Variants in FOXI2 observed in about 807,000 individuals in gnomAD.
FOXI2 encodes forkhead box I2.
In FOXI2, 17 loss-of-function variants were observed where a neutral mutation model predicts 14.3. That is an observed-to-expected ratio of 1.19 (90% CI 0.81 to 1.78). The LOEUF is 1.78. Among genes scored for constraint, FOXI2 ranks in the 40% most tolerant of loss-of-function variants. The pLI is 0.00. For synonymous variants in FOXI2, 240 were observed against 218.8 expected, an observed-to-expected ratio of 1.10 and a Z score of -0.85; for missense variants, 541 against 460.0, an observed-to-expected ratio of 1.18 and a Z score of -1.61.
rs1377314581 is a variant in FOXI2 at position 127,737,431 on chromosome 10, A to G, written c.158A>G (p.Tyr53Cys). 32 of 1,366,530 alleles carry G rather than the reference A, an allele frequency of 2.3e-5. No individual in the cohort carries two copies. Among genetic ancestry groups the G allele is most frequent in the Non-Finnish European group, 2.9e-5 (31 of 1,071,438 alleles). 84.7% of individuals were successfully genotyped at this position (1,366,530 alleles called of 1,614,324 possible). A position where few individuals can be genotyped will look rare whatever the true frequency, so the allele number is the denominator to read the frequency against. ...VNAPALSPKSYASGPGPAPPY... is the reference protein window; with the variant it reads ...VNAPALSPKSCASGPGPAPPY... ...GCGCCAGCGCTCAGCCCCAAGTCCT[A>G]CGCTTCGGGTCCCGGGCCTGCGCCG... Residue 53 changes from tyrosine (Y) to cysteine (C), a missense_variant, in exon 1 of 2, where the codon TAC becomes TGC. Tyr to Cys is a radical substitution (Grantham distance 194). Coordinates refer to ENST00000388920, the MANE Select transcript of FOXI2 (RefSeq NM_207426.3).
In FOXI2 at chr10:127,737,217, G is replaced by A; in HGVS notation, c.-57G>A. ...GGCGCTGCTGGCGGCCAAGCTGGAT[G>A]GGTCGCCAGTGAGTTTCGGTGCGGC... On this transcript the variant is annotated 5_prime_UTR_variant, in exon 1 of 2. The change abolishes an upstream ATG in the 5' untranslated region. Transcript: ENST00000388920. The A allele has an allele frequency of 6.9e-7, 1 of 1,453,612 alleles. No individual in the cohort carries two copies. Among genetic ancestry groups the A allele is most frequent in the Non-Finnish European group, 9.0e-7 (1 of 1,114,150 alleles). 90.0% of individuals were successfully genotyped at this position (1,453,612 alleles called of 1,614,324 possible).
chr10:127,738,986 G>A lies in FOXI2; in HGVS notation c.*21G>A. The stretch of plus-strand genomic sequence containing the variant: ...TTTGAAGGGAGGCTGGAGGCTAGCC[G>A]GGTGCGGGTCCAGAGGTGCTGAGCT... On this transcript the variant is annotated 3_prime_UTR_variant, in exon 2 of 2. Transcript: ENST00000388920. 1 of 1,589,226 alleles carries A rather than the reference G, an allele frequency of 6.3e-7. No individual in the cohort carries two copies. The highest frequency in any genetic ancestry group is 8.5e-7 in the Non-Finnish European group (1 of 1,173,798).
At chr10:127,737,810 C>G (rs1458879568) in intron 1 of FOXI2, 26 bp downstream of exon 1, 4 of 1,592,550 alleles carry the variant, frequency 2.5e-6, no homozygotes, top group Non-Finnish European at 3.4e-6. Flanking sequence ...CGGCTCGCTC[C>G]GTCCAGGACT....
At position 127,738,791 on chromosome 10, in the gene FOXI2, C is replaced by T. The variant is rs748678951; in HGVS notation, c.783C>T (p.Thr261=). 1.1e-5 allele frequency: 17 copies of T among 1,606,638 alleles called. No homozygotes were observed. Among genetic ancestry groups the T allele is most frequent in the South Asian group, 4.4e-5 (4 of 90,050 alleles). Residue 261 remains threonine, a synonymous_variant, in exon 2 of 2, where the codon ACC becomes ACT. Transcript: ENST00000388920. ...AMSALAGGLG[T]FPGGLAGDFS... is the part of the protein sequence containing the mutation. ...GCGCTCTGGCTGGCGGCCTTGGCAC[C>T]TTCCCCGGGGGCCTGGCGGGCGACT...
rs568346607 is a variant in FOXI2 at position 127,737,247 on chromosome 10, C to T, written c.-27C>T. ...GCCAGTGAGTTTCGGTGCGGCACCG[C>T]TGGCCCAGGCCCGGGCGCGGCTGGA... On this transcript the variant is annotated 5_prime_UTR_variant, in exon 1 of 2. Transcript: ENST00000388920. 6.8e-7 allele frequency: 1 copy of T among 1,469,934 alleles called. No homozygotes were observed. Among genetic ancestry groups the T allele is most frequent in the Non-Finnish European group, 8.9e-7 (1 of 1,121,236 alleles). The allele number at this position is 1,469,934 out of a possible 1,614,324, so 91.1% of individuals were successfully genotyped here.
At position 127,740,108 on chromosome 10, in the gene FOXI2, T is replaced by TCACACCCACACCCACACC. The variant is rs1846502044; in HGVS notation, c.*1149_*1150insCACACCCACACCCACACC. 1 of 34,660 alleles carries TCACACCCACACCCACACC rather than the reference T, an allele frequency of 2.9e-5. No homozygotes were observed. Among genetic ancestry groups the TCACACCCACACCCACACC allele is most frequent in the African/African-American group, 9.8e-5 (1 of 10,190 alleles). The allele number at this position is 34,660 out of a possible 1,614,324, so 2.1% of individuals were successfully genotyped here. ...CCCACACTCACACTCACACCCACAC[T>TCACACCCACACCCACACC]CACACCACACTCACACCCACACACA... On this transcript the variant is annotated 3_prime_UTR_variant, in exon 2 of 2. Transcript: ENST00000388920.
rs1436374912 is a variant in FOXI2 at position 127,739,809 on chromosome 10, T to TCACACC, written c.*868_*873dup. On this transcript the variant is annotated 3_prime_UTR_variant, in exon 2 of 2. Coordinates refer to ENST00000388920, the MANE Select transcript of FOXI2 (RefSeq NM_207426.3). ...CTCACACCCACACTCACACCCACAC[T>TCACACC]CACACCCACACCCACACCCACACCC... 0.023 allele frequency: 1,206 copies of TCACACC among 52,186 alleles called. 59 individuals are homozygous for TCACACC. Among genetic ancestry groups the TCACACC allele is most frequent in the African/African-American group, 0.07 (859 of 12,220 alleles). 3.2% of individuals were successfully genotyped at this position (52,186 alleles called of 1,614,324 possible).
Position 127,739,955 on chromosome 10 carries a change from A to ACACC in FOXI2, c.*994_*997dup. The ACACC allele has an allele frequency of 8.6e-5, 2 of 23,132 alleles. No individual in the cohort carries two copies. Among genetic ancestry groups the ACACC allele is most frequent in the Non-Finnish European group, 2.3e-4 (2 of 8,820 alleles). 1.4% of individuals were successfully genotyped at this position (23,132 alleles called of 1,614,324 possible). A position where few individuals can be genotyped will look rare whatever the true frequency, so the allele number is the denominator to read the frequency against. On this transcript the variant is annotated 3_prime_UTR_variant, in exon 2 of 2. Coordinates refer to ENST00000388920, the MANE Select transcript of FOXI2 (RefSeq NM_207426.3). ...CACCCACACACACTCACACCCACAC[A>ACACC]CACCCACACTCATACTCACACTCAC...
In FOXI2 at chr10:127,737,442, C is replaced by G; in HGVS notation, c.169C>G (p.Pro57Ala). Reference protein sequence around the residue: ...ALSPKSYASGPGPAPPYAAPS... With the variant: ...ALSPKSYASGAGPAPPYAAPS... Reference sequence around the variant, plus strand: ...CAGCCCCAAGTCCTACGCTTCGGGTCCCGGGCCTGCGCCGCCCTACGCGGC... The same window carrying G: ...CAGCCCCAAGTCCTACGCTTCGGGTGCCGGGCCTGCGCCGCCCTACGCGGC... Residue 57 changes from proline (P) to alanine (A), a missense_variant, in exon 1 of 2, where the codon CCC becomes GCC. Physicochemically the swap from Pro to Ala is conservative, Grantham distance 27. Transcript: ENST00000388920. 1 of 1,362,998 alleles carries G rather than the reference C, an allele frequency of 7.3e-7. No homozygotes were observed. The highest frequency in any genetic ancestry group is 9.4e-7 in the Non-Finnish European group (1 of 1,068,910). 84.4% of individuals were successfully genotyped at this position (1,362,998 alleles called of 1,614,324 possible). A position where few individuals can be genotyped will look rare whatever the true frequency, so the allele number is the denominator to read the frequency against.
chr10:127,739,007 G>C lies in FOXI2; in HGVS notation c.*42G>C. The C allele has an allele frequency of 1.3e-6, 2 of 1,531,362 alleles. No homozygotes were observed. The highest frequency in any genetic ancestry group is 1.8e-6 in the Non-Finnish European group (2 of 1,131,014). The allele number at this position is 1,531,362 out of a possible 1,614,324, so 94.9% of individuals were successfully genotyped here. On this transcript the variant is annotated 3_prime_UTR_variant, in exon 2 of 2. Coordinates refer to ENST00000388920, the MANE Select transcript of FOXI2 (RefSeq NM_207426.3). ...AGCCGGGTGCGGGTCCAGAGGTGCT[G>C]AGCTCAGGCCTCCGGTTTCCCCTGG...
In FOXI2 at chr10:127,739,155, T is replaced by G; in HGVS notation, c.*190T>G. On this transcript the variant is annotated 3_prime_UTR_variant, in exon 2 of 2. Transcript: ENST00000388920. ...CTTGGGCTTTGGGGTGGGTGGCCCT[T>G]CTGCTGTGCACCCCTCACCCAGGCG... 1 of 582,082 alleles carries G rather than the reference T, an allele frequency of 1.7e-6. No individual in the cohort carries two copies. The highest frequency in any genetic ancestry group is 2.0e-5 in the African/African-American group (1 of 51,160). The allele number at this position is 582,082 out of a possible 1,614,324, so 36.1% of individuals were successfully genotyped here.
rs1208964411 is a variant in FOXI2 at position 127,739,915 on chromosome 10, C to T, written c.*950C>T. On this transcript the variant is annotated 3_prime_UTR_variant, in exon 2 of 2. Transcript: ENST00000388920. ...CACCCACACTCACACACACTCACAC[C>T]CACACCCACACTCACACCCACACAC... 2.7e-4 allele frequency: 5 copies of T among 18,260 alleles called. No homozygotes were observed. Among genetic ancestry groups the T allele is most frequent in the Non-Finnish European group, 3.7e-4 (2 of 5,392 alleles). The allele number at this position is 18,260 out of a possible 1,614,324, so 1.1% of individuals were successfully genotyped here. A position where few individuals can be genotyped will look rare whatever the true frequency, so the allele number is the denominator to read the frequency against.
Position 127,737,618 on chromosome 10 carries a change from C to G in FOXI2, c.345C>G (p.Ile115Met). 4 of 1,561,772 alleles carry G rather than the reference C, an allele frequency of 2.6e-6. No individual in the cohort carries two copies. The highest frequency in any genetic ancestry group is 3.5e-6 in the Non-Finnish European group (4 of 1,153,430). The part of the protein sequence containing the change: ...YSYSALIAMA[I>M]QSAPLRKLTL... ...ACTCGGCGCTCATCGCCATGGCCAT[C>G]CAGAGCGCGCCGCTGCGGAAGCTGA... The change falls in exon 1 of 2, where the codon ATC becomes ATG. Residue 115 changes from isoleucine to methionine, a missense_variant. Coordinates refer to ENST00000388920, the MANE Select transcript of FOXI2 (RefSeq NM_207426.3).
rs1419707601 is a variant in FOXI2 at position 127,738,654 on chromosome 10, G to A, written c.646G>A (p.Glu216Lys). The change falls in exon 2 of 2, where the codon GAG (glutamate) becomes AAG (lysine). Residue 216 changes from glutamate (E) to lysine (K), a missense_variant. Transcript: ENST00000388920. ...RSGARSVGGA[E>K]APALEPPSAA... ...GGGAGCCAGGAGCGTGGGAGGGGCC[G>A]AGGCGCCAGCGCTGGAGCCCCCGAG... is the stretch of plus-strand genomic sequence containing the variant. 6.3e-7 allele frequency: 1 copy of A among 1,597,182 alleles called. No individual in the cohort carries two copies. Among genetic ancestry groups the A allele is most frequent in the Non-Finnish European group, 8.5e-7 (1 of 1,171,746 alleles).
Position 127,740,733 on chromosome 10 carries a change from G to A in FOXI2, c.*1768G>A, listed in dbSNP as rs942427415. 1 of 152,570 alleles carries A rather than the reference G, an allele frequency of 6.6e-6. No individual in the cohort carries two copies. Among genetic ancestry groups the A allele is most frequent in the Non-Finnish European group, 1.5e-5 (1 of 68,382 alleles). The allele number at this position is 152,570 out of a possible 1,614,324, so 9.5% of individuals were successfully genotyped here. A position where few individuals can be genotyped will look rare whatever the true frequency, so the allele number is the denominator to read the frequency against. ...TGCAGCTGCCACCAGTGCTGGAAAT[G>A]AGAGCAGGGCTCCTGACTGTCCCTA... On this transcript the variant is annotated 3_prime_UTR_variant, in exon 2 of 2. Coordinates refer to ENST00000388920, the MANE Select transcript of FOXI2 (RefSeq NM_207426.3).
In FOXI2 at chr10:127,738,826, G is replaced by C. The variant is rs113782219; in HGVS notation, c.818G>C (p.Gly273Ala). The change falls in exon 2 of 2, where the codon GGG becomes GCG. Residue 273 changes from glycine (G) to alanine (A), a missense_variant. By Grantham distance (60) the Gly-to-Ala change is moderately conservative. Coordinates refer to ENST00000388920, the MANE Select transcript of FOXI2 (RefSeq NM_207426.3). ...PGGLAGDFSF[G>A]RRPPTVATHA... is the part of the protein sequence containing the mutation. ...GGCCTGGCGGGCGACTTTTCTTTCG[G>C]GAGGCGGCCACCGACAGTCGCCACC... The C allele has an allele frequency of 1.7e-3, 2,700 of 1,606,440 alleles. 24 individuals are homozygous for C. In the African/African-American group the frequency reaches 0.029, roughly 17 times the overall value.
chr10:127,738,264 C>A (rs150430747), intron 1 of FOXI2, among the ~76,000 whole-genome samples: 1,932 of 152,168 alleles, frequency 0.013, 46 homozygotes, highest in African/African-American at 0.044. Flanking sequence ...ATCTCGCAGG[C>A]CTTCCTTCAC....
Position 127,740,570 on chromosome 10 carries a change from T to G in FOXI2, c.*1605T>G, listed in dbSNP as rs1846513069. ...TGGGGGTACCTATCTTCCCTGCATT[T>G]TGGGGGAGGGTGGGAGGGGTCCTTC... On this transcript the variant is annotated 3_prime_UTR_variant, in exon 2 of 2. Transcript: ENST00000388920. 8.4e-6 allele frequency: 1 copy of G among 118,540 alleles called. No homozygotes were observed. Among genetic ancestry groups the G allele is most frequent in the Non-Finnish European group, 1.8e-5 (1 of 56,050 alleles). 7.3% of individuals were successfully genotyped at this position (118,540 alleles called of 1,614,324 possible). A position where few individuals can be genotyped will look rare whatever the true frequency, so the allele number is the denominator to read the frequency against.
At position 127,739,583 on chromosome 10, in the gene FOXI2, G is replaced by A. The variant is rs1846467197; in HGVS notation, c.*618G>A. The A allele has an allele frequency of 6.6e-6, 1 of 152,618 alleles. No individual in the cohort carries two copies. The highest frequency in any genetic ancestry group is 2.4e-5 in the African/African-American group (1 of 41,430). 9.5% of individuals were successfully genotyped at this position (152,618 alleles called of 1,614,324 possible). A position where few individuals can be genotyped will look rare whatever the true frequency, so the allele number is the denominator to read the frequency against. ...GTCTTGCTAATGGTTGGAACTGCTG[G>A]TGGTGGGAGGGAGAAGCACTGCGTG... On this transcript the variant is annotated 3_prime_UTR_variant, in exon 2 of 2. Coordinates refer to ENST00000388920, the MANE Select transcript of FOXI2 (RefSeq NM_207426.3).
Sources: gnomAD v4.1 joint callset for allele counts (sites outside exome capture counted in the v4.1 genomes callset) on GRCh38, gnomAD v4.1.1 for gene constraint, MANE v1.5 for transcripts, NCBI Gene and HGNC (gene_info 2026-07-23, HGNC 2026-07-21) for gene names.